The following MB21D2 variants were observed in gnomAD, a reference collection of about 807,000 sequenced individuals.
MB21D2 encodes the protein nucleotidyltransferase MB21D2.
In MB21D2, 9 loss-of-function variants were observed where a neutral mutation model predicts 33.3. The observed-to-expected ratio is 0.27, with a 90% CI of 0.16 to 0.47. The LOEUF (loss-of-function observed/expected upper bound fraction) is 0.47. MB21D2 is among the 20% of genes least tolerant of loss of function. The probability of loss-of-function intolerance (pLI) is 0.99; values close to 1 mark genes in which losing one functional copy is unlikely to be tolerated. For synonymous variants in MB21D2, 241 were observed against 236.3 expected (o/e 1.02, Z -0.18); for missense variants, 540 against 624.6 (o/e 0.86, Z 1.44).
chr3:192,897,015 A>G (rs1388359474), intron 1 of MB21D2, among the ~76,000 whole-genome samples: 2 of 152,174 alleles, frequency 1.3e-5, no homozygotes, highest in Admixed American at 1.3e-4. Flanking sequence ...AACAAGACAT[A>G]AATTCCTCTA....
At chr3:192,841,814 C>G (rs1712578400) in intron 1 of MB21D2, among the ~76,000 whole-genome samples, 1 of 152,162 alleles carries the variant, frequency 6.6e-6, no homozygotes, top group African/African-American at 2.4e-5. Flanking sequence ...TTTGGAAGAG[C>G]AAGAAATCCC....
intron 1 of MB21D2, among the ~76,000 whole-genome samples, chr3:192,828,107 G>A (rs1304520435): frequency 6.6e-6 from 1 of 152,072 alleles, no homozygotes; most frequent in Middle Eastern, 3.2e-3. Flanking sequence ...CAGCCATGTG[G>A]AACTGTGAGT....
At chr3:192,815,198 G>C (rs552693722) in intron 1 of MB21D2, among the ~76,000 whole-genome samples, 1 of 152,218 alleles carries the variant, frequency 6.6e-6, no homozygotes, top group Admixed American at 6.5e-5. Flanking sequence ...ATAAATTGGA[G>C]CTTACTGGAG....
rs1022937644 is a variant in MB21D2, at chr3:192,838,489, C to A, written c.212-38839G>T. ...TGTCACCCAGGCTGGAGTGCAGTGGCGCGATCTCGGCTCACTGCAAACTCC... is the reference window on the plus strand; with the variant it reads ...TGTCACCCAGGCTGGAGTGCAGTGGAGCGATCTCGGCTCACTGCAAACTCC... On this transcript the variant is annotated intron_variant, in intron 1 of 1. Coordinates refer to ENST00000392452, the MANE Select transcript of MB21D2 (RefSeq NM_178496.4). Among the ~76,000 whole-genome samples the A allele has an allele frequency of 2.7e-5, 4 of 148,148 alleles. No individual in the cohort carries two copies. The South Asian group carries it at 8.6e-4, about 32-fold the overall frequency.
At chr3:192,897,972 AT>A (rs1197685922) in intron 1 of MB21D2, among the ~76,000 whole-genome samples, 12 of 141,406 alleles carry the variant, frequency 8.5e-5, no homozygotes, top group Admixed American at 5.7e-4. Context: ...AAAAAAAAAA[AT>A]TTTAAAAATA....
At chr3:192,830,045 AT>A (rs1265788084) in intron 1 of MB21D2, among the ~76,000 whole-genome samples, 4 of 151,678 alleles carry the variant, frequency 2.6e-5, no homozygotes, top group Non-Finnish European at 5.9e-5. Context: ...TGTGCTTTTT[AT>A]TTTCTTAGAG....
intron 1 of MB21D2, among the ~76,000 whole-genome samples, chr3:192,871,477 T>C (rs13090305): frequency 0.16 from 25,068 of 152,098 alleles, 2,877 homozygotes; most frequent in African/African-American, 0.33. Context: ...TCTGTCCTCA[T>C]GGAGATTATG....
chr3:192,907,168 TAAAAG>T (rs66951087), intron 1 of MB21D2, among the ~76,000 whole-genome samples: 74,889 of 151,468 alleles, frequency 0.49, 19,484 homozygotes, highest in Non-Finnish European at 0.58. Flanking sequence ...GAACAGTTCT[TAAAAG>T]AGATCACTCA....
At chr3:192,902,324 G>T (rs1213873771) in intron 1 of MB21D2, among the ~76,000 whole-genome samples, 1 of 152,192 alleles carries the variant, frequency 6.6e-6, no homozygotes, top group East Asian at 1.9e-4. Flanking sequence ...TCAGTTTTGT[G>T]AAGGTGCAAA....
chr3:192,863,655 C>A (rs541982370), intron 1 of MB21D2, among the ~76,000 whole-genome samples: 6 of 152,294 alleles, frequency 3.9e-5, no homozygotes, highest in East Asian at 3.9e-4. Context: ...TGTGTCCCCC[C>A]AAAATTCACA....
rs567515284 is a variant in MB21D2, at chr3:192,882,441, G to A, written c.211+35189C>T. On this transcript the variant is annotated intron_variant, in intron 1 of 1. Transcript: ENST00000392452. The stretch of plus-strand genomic sequence containing the variant: ...CCTTTGCTAAAGGCAGTGACACTAA[G>A]GATAAGACAAAACACTATGCAACAC... 5.3e-5 allele frequency among the ~76,000 whole-genome samples: 8 copies of A among 152,184 alleles called. No homozygotes were observed. In the South Asian group the frequency reaches 1.0e-3, roughly 20 times the overall value.
At chr3:192,885,946 A>T (rs1232210779) in intron 1 of MB21D2, among the ~76,000 whole-genome samples, 1 of 151,978 alleles carries the variant, frequency 6.6e-6, no homozygotes, top group Non-Finnish European at 1.5e-5. Flanking sequence ...AAACCCCACT[A>T]GTTCAATTAT....
chr3:192,866,412 C>T (rs896409620), intron 1 of MB21D2, among the ~76,000 whole-genome samples: 1 of 152,116 alleles, frequency 6.6e-6, no homozygotes. Flanking sequence ...CTCTCTTTCT[C>T]TGAGAGGGGA....
intron 1 of MB21D2, among the ~76,000 whole-genome samples, chr3:192,869,434 A>G (rs1251783932): frequency 6.6e-6 from 1 of 152,124 alleles, no homozygotes; most frequent in Non-Finnish European, 1.5e-5. Context: ...CACAGTGAAT[A>G]AAACAATCCA....
intron 1 of MB21D2, among the ~76,000 whole-genome samples, chr3:192,834,172 C>T (rs1712381113): frequency 6.6e-6 from 1 of 151,988 alleles, no homozygotes; most frequent in Non-Finnish European, 1.5e-5. Flanking sequence ...AGTTATGAGG[C>T]CGGGCATGGT....
intron 1 of MB21D2, among the ~76,000 whole-genome samples, chr3:192,886,204 C>T (rs7433873): frequency 0.39 from 58,553 of 151,928 alleles, 12,174 homozygotes; most frequent in Middle Eastern, 0.56. Flanking sequence ...GTGATCCACT[C>T]GCCTTGGCCT....
intron 1 of MB21D2, among the ~76,000 whole-genome samples, chr3:192,864,751 C>T (rs1560243181): frequency 6.6e-6 from 1 of 152,162 alleles, no homozygotes; most frequent in Non-Finnish European, 1.5e-5. Flanking sequence ...AGGTGATCTG[C>T]CCGCCTCAGC....
intron 1 of MB21D2, among the ~76,000 whole-genome samples, chr3:192,852,528 G>A (rs1281344771): frequency 6.6e-6 from 1 of 152,136 alleles, no homozygotes; most frequent in Non-Finnish European, 1.5e-5. Flanking sequence ...AAAACAGAAG[G>A]AGAAATAAGC....
chr3:192,878,161 G>A (rs541210805), intron 1 of MB21D2, among the ~76,000 whole-genome samples: 5 of 144,786 alleles, frequency 3.5e-5, no homozygotes, highest in Admixed American at 6.9e-5. Flanking sequence ...GTGCAGTGGC[G>A]CAATCTCGGC....
Sources: allele counts gnomAD v4.1 joint callset (sites outside exome capture counted in the v4.1 genomes callset), GRCh38; gene constraint gnomAD v4.1.1; transcripts MANE v1.5; gene names NCBI Gene and HGNC (gene_info 2026-07-23, HGNC 2026-07-21).